NTM: variants seen among roughly 807,000 people sequenced by gnomAD.
NTM encodes the protein IgLON family member 2.
A neutral mutation model predicts 42.1 loss-of-function variants in NTM; 13 were observed. The ratio of observed to expected loss-of-function variants is 0.31; its 90% CI spans 0.20 to 0.49. NTM has a LOEUF of 0.49. NTM is among the 20% of genes least tolerant of loss of function. The pLI is 0.99. For synonymous variants in NTM, 187 were observed against 179.2 expected, an observed-to-expected ratio of 1.04 and a Z score of -0.35; for missense variants, 373 against 452.8, an observed-to-expected ratio of 0.82 and a Z score of 1.60.
intron 1 of NTM, among the ~76,000 whole-genome samples, chr11:131,599,660 C>T (rs1193864782): frequency 6.6e-6 from 1 of 152,216 alleles, no homozygotes; most frequent in African/African-American, 2.4e-5. Flanking sequence ...AGAGAACCTG[C>T]CCCTCCCTCT....
At chr11:132,042,130 C>A (rs2077283994) in intron 2 of NTM, among the ~76,000 whole-genome samples, 1 of 152,168 alleles carries the variant, frequency 6.6e-6, no homozygotes, top group Non-Finnish European at 1.5e-5. Flanking sequence ...CCCTTTTATA[C>A]TTCAAATTGC....
chr11:132,230,672 C>T (rs2087352399), intron 4 of NTM, among the ~76,000 whole-genome samples: 1 of 152,232 alleles, frequency 6.6e-6, no homozygotes, highest in African/African-American at 2.4e-5. Context: ...ATATTCCTAG[C>T]TTGTTGTAAG....
chr11:132,075,145 T>C (rs1177804884), intron 2 of NTM, among the ~76,000 whole-genome samples: 1 of 152,068 alleles, frequency 6.6e-6, no homozygotes, highest in Non-Finnish European at 1.5e-5. Context: ...AGCAAATTCA[T>C]AGAATCAAAG....
intron 4 of NTM, among the ~76,000 whole-genome samples, chr11:132,219,707 A>T (rs1391416395): frequency 1.3e-5 from 2 of 151,860 alleles, no homozygotes; most frequent in Non-Finnish European, 2.9e-5. Flanking sequence ...ATACCTTCCC[A>T]CATGGATATG....
rs527328478 is a variant in NTM at position 131,823,694 on chromosome 11, T to C, written c.83-87870T>C. 9.2e-5 allele frequency among the ~76,000 whole-genome samples: 14 copies of C among 152,370 alleles called. No homozygotes were observed. The South Asian group carries it at 2.9e-3, about 32-fold the overall frequency. On this transcript the variant is annotated intron_variant, in intron 1 of 8. Transcript: ENST00000683400. ...TGAAAGAGTATTTTCCTGATAGTTA[T>C]ACGTCTTCTAATTACCTCAATGTGC...
At chr11:131,890,139 T>G (rs1165895599) in intron 1 of NTM, among the ~76,000 whole-genome samples, 1 of 75,952 alleles carries the variant, frequency 1.3e-5, no homozygotes, top group Non-Finnish European at 2.6e-5. Flanking sequence ...TCTCTCTCCC[T>G]CTCTCTCTCT....
At chr11:131,978,817 T>TTTACTCTC (rs1565871717) in intron 2 of NTM, among the ~76,000 whole-genome samples, 1 of 152,214 alleles carries the variant, frequency 6.6e-6, no homozygotes, top group Non-Finnish European at 1.5e-5. Flanking sequence ...AACTTCAGAT[T>TTTACTCTC]TGAAATGCAT....
chr11:132,288,231 C>T (rs1478727023), intron 4 of NTM, among the ~76,000 whole-genome samples: 1 of 152,092 alleles, frequency 6.6e-6, no homozygotes, highest in Non-Finnish European at 1.5e-5. Flanking sequence ...CCATGGAAGC[C>T]AAGACACGTG....
intron 1 of NTM, among the ~76,000 whole-genome samples, chr11:131,411,591 T>A (rs1251878528): frequency 7.8e-6 from 1 of 128,004 alleles, no homozygotes; most frequent in Non-Finnish European, 1.6e-5. Context: ...GTGTGTGTAC[T>A]TGAGAGCTGG....
intron 8 of NTM, chr11:132,332,474 C>T (rs1051728796): frequency 6.6e-6 from 1 of 152,180 alleles, no homozygotes; most frequent in Admixed American, 6.5e-5. Flanking sequence ...CTGGCAGGCA[C>T]TTGGTGGCCT....
intron 2 of NTM, among the ~76,000 whole-genome samples, chr11:132,010,031 GGACA>G (rs1321973877): frequency 3.3e-5 from 5 of 152,260 alleles, no homozygotes; most frequent in East Asian, 1.9e-4. Context: ...TGAAGAAAAT[GGACA>G]GACAATTTCT....
intron 2 of NTM, among the ~76,000 whole-genome samples, chr11:131,913,376 T>C (rs1339243952): frequency 6.6e-6 from 1 of 152,078 alleles, no homozygotes; most frequent in Non-Finnish European, 1.5e-5. Flanking sequence ...CTGTAGAGAC[T>C]TGAAGATAAA....
chr11:132,254,169 G>A (rs550956897), intron 4 of NTM, among the ~76,000 whole-genome samples: 6 of 152,162 alleles, frequency 3.9e-5, no homozygotes, highest in Admixed American at 1.3e-4. Context: ...GCCCTTAGAC[G>A]CACTGACAGG....
intron 1 of NTM, among the ~76,000 whole-genome samples, chr11:131,689,561 A>G (rs928256084): frequency 3.3e-5 from 5 of 152,278 alleles, no homozygotes; most frequent in African/African-American, 1.2e-4. Context: ...TTTTGGCCCC[A>G]TTGCCCTGGA....
At chr11:131,850,931 C>T (rs970280093) in intron 1 of NTM, among the ~76,000 whole-genome samples, 2 of 152,124 alleles carry the variant, frequency 1.3e-5, no homozygotes, top group Non-Finnish European at 2.9e-5. Context: ...GCTGTGTGTA[C>T]AGAGATGTCC....
intron 1 of NTM, among the ~76,000 whole-genome samples, chr11:131,760,133 A>G (rs969870210): frequency 9.9e-5 from 15 of 152,190 alleles, no homozygotes; most frequent in African/African-American, 3.1e-4. Flanking sequence ...AGAAAACCTC[A>G]TTGGAATTCA....
intron 2 of NTM, among the ~76,000 whole-genome samples, chr11:131,939,066 C>A (rs2059528511): frequency 6.6e-6 from 1 of 152,130 alleles, no homozygotes; most frequent in Admixed American, 6.5e-5. Flanking sequence ...TGGGAGAGAT[C>A]AGCTTATATT....
chr11:132,113,775 G>C (rs984998508), intron 2 of NTM, among the ~76,000 whole-genome samples: 1 of 152,094 alleles, frequency 6.6e-6, no homozygotes, highest in Non-Finnish European at 1.5e-5. Flanking sequence ...GTTGTGCTTC[G>C]AAGGACTCCA....
chr11:132,242,171 A>G (rs1438587877), intron 4 of NTM, among the ~76,000 whole-genome samples: 3 of 152,238 alleles, frequency 2.0e-5, no homozygotes, highest in Non-Finnish European at 4.4e-5. Flanking sequence ...CAGATCAACT[A>G]GTGGAGCCTT....
Sources: allele counts gnomAD v4.1 joint callset (sites outside exome capture counted in the v4.1 genomes callset), GRCh38; gene constraint gnomAD v4.1.1; transcripts MANE v1.5; gene names NCBI Gene and HGNC (gene_info 2026-07-23, HGNC 2026-07-21).